Variants in MARK1 observed in about 807,000 individuals in gnomAD.
MARK1 encodes microtubule affinity regulating kinase 1.
A neutral mutation model predicts 96.3 loss-of-function variants in MARK1; 40 were observed. The observed-to-expected ratio is 0.42, with a 90% CI of 0.32 to 0.54. MARK1 has a LOEUF of 0.54. MARK1 is among the 20% of genes least tolerant of loss of function. The pLI is 0.16. For missense variants in MARK1, 719 were observed against 984.6 expected, an observed-to-expected ratio of 0.73 and a Z score of 3.61; for synonymous variants, 317 against 341.2, an observed-to-expected ratio of 0.93 and a Z score of 0.78.
intron 17 of MARK1, 135 bp downstream of exon 17, chr1:220,657,969 G>A (rs999309190): frequency 1.5e-5 from 9 of 593,206 alleles, no homozygotes; most frequent in African/African-American, 3.9e-5. Flanking sequence ...TTTTATATTG[G>A]GGTGGGTTTT....
intron 3 of MARK1, among the ~76,000 whole-genome samples, chr1:220,592,717 T>C (rs961461964): frequency 1.3e-5 from 2 of 152,174 alleles, no homozygotes; most frequent in Non-Finnish European, 2.9e-5. Context: ...CTGGCAAACA[T>C]GTTTGGGACC....
intron 6 of MARK1, among the ~76,000 whole-genome samples, chr1:220,610,158 C>G (rs1049311452): frequency 1.3e-5 from 2 of 152,178 alleles, no homozygotes; most frequent in Admixed American, 1.3e-4. Flanking sequence ...CAACTTGGTT[C>G]CATTCTCCCT....
At chr1:220,642,414 C>T (rs972122535) in intron 13 of MARK1, among the ~76,000 whole-genome samples, 5 of 152,144 alleles carry the variant, frequency 3.3e-5, no homozygotes, top group African/African-American at 4.8e-5. Context: ...ATCCATCCCT[C>T]GTCACCAGGC....
chr1:220,650,514 C>A, intron 13 of MARK1, 106 bp from the exon 14 acceptor site: 1 of 671,020 alleles, frequency 1.5e-6, no homozygotes, highest in South Asian at 2.0e-5. Context: ...AGATTCTGAT[C>A]AATTAAAATT....
intron 9 of MARK1, chr1:220,625,919 C>A: frequency 1.9e-6 from 1 of 532,222 alleles, no homozygotes; most frequent in South Asian, 1.5e-5. Flanking sequence ...AAACCCAGTA[C>A]TGAGGAGATG....
At chr1:220,655,965 T>A (rs1669148748) in intron 16 of MARK1, among the ~76,000 whole-genome samples, 1 of 152,222 alleles carries the variant, frequency 6.6e-6, no homozygotes, top group African/African-American at 2.4e-5. Flanking sequence ...TGGCATTGTG[T>A]ACCTGCTATT....
At chr1:220,549,498 A>G (rs559346091) in intron 1 of MARK1, among the ~76,000 whole-genome samples, 1 of 152,294 alleles carries the variant, frequency 6.6e-6, no homozygotes, top group South Asian at 2.1e-4. Context: ...TGTATTTTAC[A>G]TCATGGATTT....
In MARK1 at chr1:220,615,985, G is replaced by A. The variant is rs1456461350; in HGVS notation, c.542G>A (p.Arg181His). 3.3e-6 allele frequency: 5 copies of A among 1,534,536 alleles called. No individual in the cohort carries two copies. Among genetic ancestry groups the A allele is most frequent in the East Asian group, 2.3e-5 (1 of 43,732 alleles). ...QYCHQKYIVH[R>H]DLKAENLLLD... ...TGTCATCAAAAGTACATTGTTCACC[G>A]TGATCTTAAGGTAAGCTTCTGAGTG... is the stretch of plus-strand genomic sequence containing the variant. The change falls in exon 7 of 18, where the codon CGT becomes CAT. Residue 181 changes from arginine (R) to histidine (H), a missense_variant. This residue lies in a region of MARK1 where 96 missense variants were observed against 213.1 expected (regional missense o/e 0.45). Transcript: ENST00000366917.
intron 1 of MARK1, 77 bp downstream of exon 1, chr1:220,528,950 C>T (rs1328932578): frequency 1.4e-6 from 2 of 1,428,740 alleles, no homozygotes; most frequent in African/African-American, 1.5e-5. Context: ...GCGCTTGGGC[C>T]GTCCCCCGTG....
At chr1:220,643,045 TCTC>T (rs1306052927) in intron 13 of MARK1, among the ~76,000 whole-genome samples, 4 of 151,998 alleles carry the variant, frequency 2.6e-5, no homozygotes, top group East Asian at 1.9e-4. Flanking sequence ...GAATGCCTCT[TCTC>T]CTCCAAATAA....
intron 9 of MARK1, chr1:220,625,979 C>T: frequency 7.2e-6 from 4 of 552,930 alleles, no homozygotes; most frequent in Non-Finnish European, 1.5e-5. Flanking sequence ...TCCATCTCTT[C>T]AGATACATGT....
chr1:220,657,947 C>A, intron 17 of MARK1, 113 bp downstream of exon 17: 1 of 700,436 alleles, frequency 1.4e-6, no homozygotes, highest in Non-Finnish European at 2.1e-6. Flanking sequence ...AGATAGCATG[C>A]GTATTTTAGA....
intron 1 of MARK1, among the ~76,000 whole-genome samples, chr1:220,536,865 G>A (rs1264885631): frequency 1.3e-5 from 2 of 152,136 alleles, no homozygotes; most frequent in Non-Finnish European, 2.9e-5. Context: ...ACAGGCGTGA[G>A]CCACTGTGCC....
rs142466072 is a variant in MARK1, at chr1:220,630,201, G to A, written c.910-834G>A. Among the ~76,000 whole-genome samples, 422 of 152,228 alleles carry A rather than the reference G, an allele frequency of 2.8e-3. 7 individuals carry two copies. Among genetic ancestry groups the A allele is most frequent in the Admixed American group, 0.019 (291 of 15,290 alleles). On this transcript the variant is annotated intron_variant, in intron 9 of 17. Coordinates refer to ENST00000366917, the MANE Select transcript of MARK1 (RefSeq NM_018650.5). ...GTTCCCTGATGACTAGTGATGTTGAGCATCTTTTCACACAGCAAGCATGCT... is the reference window on the plus strand; with the variant it reads ...GTTCCCTGATGACTAGTGATGTTGAACATCTTTTCACACAGCAAGCATGCT...
intron 3 of MARK1, among the ~76,000 whole-genome samples, chr1:220,588,730 T>A (rs1349887514): frequency 6.6e-6 from 1 of 152,078 alleles, no homozygotes; most frequent in East Asian, 1.9e-4. Flanking sequence ...ATAGATAAAA[T>A]ATATATATAC....
intron 1 of MARK1, among the ~76,000 whole-genome samples, chr1:220,538,976 A>G (rs1446899232): frequency 5.3e-5 from 8 of 150,600 alleles, no homozygotes; most frequent in African/African-American, 1.5e-4. Flanking sequence ...GGGCTGAGAC[A>G]ATGGGGTTTT....
intron 6 of MARK1, among the ~76,000 whole-genome samples, chr1:220,611,218 G>A (rs1021444224): frequency 3.3e-5 from 5 of 152,274 alleles, no homozygotes; most frequent in African/African-American, 4.8e-5. Flanking sequence ...GTTGGGCTGC[G>A]GTGGGCTCCA....
chr1:220,595,294 C>A (rs534645154), intron 3 of MARK1, among the ~76,000 whole-genome samples: 1 of 152,304 alleles, frequency 6.6e-6, no homozygotes, highest in East Asian at 1.9e-4. Context: ...GCAATTTGGT[C>A]AGTGAATGCA....
chr1:220,642,061 C>T (rs1431546932), intron 13 of MARK1, among the ~76,000 whole-genome samples: 1 of 152,170 alleles, frequency 6.6e-6, no homozygotes, highest in Non-Finnish European at 1.5e-5. Flanking sequence ...TGGTGGCTCT[C>T]GAAACTCCAG....
Sources: gnomAD v4.1 joint callset for allele counts (sites outside exome capture counted in the v4.1 genomes callset) on GRCh38, gnomAD v4.1.1 for gene constraint, gnomAD v4.1.1 regional missense constraint, MANE v1.5 for transcripts, NCBI Gene and HGNC (gene_info 2026-07-23, HGNC 2026-07-21) for gene names.